Variants in CYB5B observed in about 807,000 individuals in gnomAD.
CYB5B encodes cytochrome b5 type B (outer mitochondrial membrane).
In CYB5B, 14 loss-of-function variants were observed where a neutral mutation model predicts 21.3. The observed-to-expected ratio is 0.66, with a 90% CI of 0.43 to 1.03. The LOEUF (loss-of-function observed/expected upper bound fraction) is 1.03. Among genes scored for constraint, CYB5B ranks in the 50% least tolerant of loss-of-function variants. CYB5B has a pLI of 0.00. For synonymous variants in CYB5B, 69 were observed against 68.4 expected (o/e 1.01, Z -0.04); for missense variants, 166 against 185.1 (o/e 0.90, Z 0.60).
At chr16:69,444,510 TC>T (rs1245779431) in intron 1 of CYB5B, among the ~76,000 whole-genome samples, 2 of 152,278 alleles carry the variant, frequency 1.3e-5, no homozygotes, top group East Asian at 3.9e-4. Context: ...TTTCGCTAAC[TC>T]TATCTGGAGA....
intron 1 of CYB5B, among the ~76,000 whole-genome samples, chr16:69,445,939 A>AGCCT (rs2014873489): frequency 6.6e-6 from 1 of 152,174 alleles, no homozygotes; most frequent in Non-Finnish European, 1.5e-5. Context: ...CTGGGCAACA[A>AGCCT]GAGCGAAACT....
chr16:69,424,781 C>T lies in CYB5B; in HGVS notation c.98C>T (p.Ala33Val). Reference sequence around the variant, plus strand: ...ACCTATTACCGGTTGGAGGAGGTGGCAAAGCGCAACTCCTTGAAGGAACTG... The same window carrying T: ...ACCTATTACCGGTTGGAGGAGGTGGTAAAGCGCAACTCCTTGAAGGAACTG... ...SVTYYRLEEVAKRNSLKELWL... is the reference protein window; with the variant it reads ...SVTYYRLEEVVKRNSLKELWL... Residue 33 changes from alanine (A) to valine (V), a missense_variant, in exon 1 of 5, where the codon GCA becomes GTA. By Grantham distance (64) the Ala-to-Val change is moderately conservative (BLOSUM62 0). Coordinates refer to ENST00000307892, the MANE Select transcript of CYB5B (RefSeq NM_030579.3). 1.2e-6 allele frequency: 2 copies of T among 1,608,828 alleles called. No homozygotes were observed. The highest frequency in any genetic ancestry group is 1.1e-5 in the South Asian group (1 of 90,386).
intron 4 of CYB5B, among the ~76,000 whole-genome samples, chr16:69,461,503 AC>A (rs1327391618): frequency 1.3e-5 from 2 of 152,184 alleles, no homozygotes; most frequent in Non-Finnish European, 2.9e-5. Flanking sequence ...TTTCTTATGA[AC>A]TTCAGCTCGT....
intron 3 of CYB5B, among the ~76,000 whole-genome samples, chr16:69,453,501 A>G (rs908525284): frequency 4.1e-4 from 62 of 152,192 alleles, no homozygotes; most frequent in African/African-American, 1.2e-3. Context: ...AGTGATTGCT[A>G]TTTACCAGAG....
chr16:69,439,961 T>G (rs752849257), intron 1 of CYB5B, among the ~76,000 whole-genome samples: 55 of 152,126 alleles, frequency 3.6e-4, no homozygotes, highest in Non-Finnish European at 1.0e-4. Context: ...CTTGAACTCC[T>G]GGGCTCAAGC....
chr16:69,451,687 C>CA (rs2014932221), intron 3 of CYB5B, among the ~76,000 whole-genome samples: 1 of 152,074 alleles, frequency 6.6e-6, no homozygotes, highest in Non-Finnish European at 1.5e-5. Context: ...GGCGGTGACT[C>CA]ACGCCTGTAA....
At chr16:69,455,037 G>A (rs1395345491) in intron 3 of CYB5B, among the ~76,000 whole-genome samples, 1 of 152,058 alleles carries the variant, frequency 6.6e-6, no homozygotes, top group African/African-American at 2.4e-5. Context: ...GGGACTACAG[G>A]TGTGTGCCAC....
intron 1 of CYB5B, among the ~76,000 whole-genome samples, chr16:69,430,768 G>C (rs1198849414): frequency 1.3e-5 from 2 of 151,346 alleles, no homozygotes; most frequent in African/African-American, 4.9e-5. Context: ...CTGCCTCCCA[G>C]GTTCAAGTGA....
rs534679840 is a variant in CYB5B at position 69,429,746 on chromosome 16, CAA to C, written c.174+4891_174+4892del. 1.7e-3 allele frequency among the ~76,000 whole-genome samples: 254 copies of C among 152,186 alleles called. 1 individual carries two copies. Among genetic ancestry groups the C allele is most frequent in the Non-Finnish European group, 2.7e-3 (185 of 68,002 alleles). Reference sequence around the variant, plus strand: ...AAGAAAAATGAGTCAAGGATAACACCAAAGTTTTTGGCTTATGAGTCTTCAAG... The same window carrying C: ...AAGAAAAATGAGTCAAGGATAACACCAGTTTTTGGCTTATGAGTCTTCAAG... On this transcript the variant is annotated intron_variant, in intron 1 of 4. Transcript: ENST00000307892.
At chr16:69,435,003 A>G (rs1419703762) in intron 1 of CYB5B, among the ~76,000 whole-genome samples, 1 of 152,054 alleles carries the variant, frequency 6.6e-6, no homozygotes, top group East Asian at 1.9e-4. Flanking sequence ...TTTATGAAGT[A>G]TCTGGTCTTG....
Position 69,462,454 on chromosome 16 carries a change from C to T in CYB5B, c.387C>T (p.Pro129=). 6.2e-7 allele frequency: 1 copy of T among 1,614,034 alleles called. No individual in the cohort carries two copies. Among genetic ancestry groups the T allele is most frequent in the Non-Finnish European group, 8.5e-7 (1 of 1,179,952 alleles). The change falls in exon 5 of 5, where the codon CCC becomes CCT. Residue 129 remains proline, a synonymous_variant. Coordinates refer to ENST00000307892, the MANE Select transcript of CYB5B (RefSeq NM_030579.3). ...CKSCWAYWIL[P]IIGAVLLGFL... ...GTTGCTGGGCATATTGGATTTTACC[C>T]ATCATAGGCGCTGTTCTCTTAGGTT...
At chr16:69,428,668 A>T (rs1046493529) in intron 1 of CYB5B, among the ~76,000 whole-genome samples, 8 of 152,200 alleles carry the variant, frequency 5.3e-5, no homozygotes, top group Middle Eastern at 3.2e-3. Flanking sequence ...TGAAAAAAAA[A>T]AGAAAAATAA....
chr16:69,444,162 TG>T, intron 1 of CYB5B: 2 of 160,920 alleles, frequency 1.2e-5, no homozygotes. Flanking sequence ...TACTTGCTCC[TG>T]GGTGAGCTTC....
chr16:69,428,294 G>A (rs2014669799), intron 1 of CYB5B, among the ~76,000 whole-genome samples: 2 of 152,192 alleles, frequency 1.3e-5, no homozygotes, highest in African/African-American at 4.8e-5. Context: ...CATGGCACAG[G>A]AGGCAGACGA....
intron 1 of CYB5B, among the ~76,000 whole-genome samples, chr16:69,427,909 T>C (rs1468776203): frequency 6.6e-6 from 1 of 150,872 alleles, no homozygotes; most frequent in Non-Finnish European, 1.5e-5. Context: ...GGCAGGAGAA[T>C]CGCTTGAACC....
chr16:69,448,402 G>A, intron 3 of CYB5B: 1 of 447,200 alleles, frequency 2.2e-6, no homozygotes, highest in Admixed American at 4.1e-5. Flanking sequence ...TATGCCCTGT[G>A]TGGTTTTGAA....
intron 1 of CYB5B, among the ~76,000 whole-genome samples, chr16:69,429,820 C>A (rs2014687119): frequency 6.6e-6 from 1 of 152,174 alleles, no homozygotes; most frequent in African/African-American, 2.4e-5. Flanking sequence ...CATTGGTATT[C>A]ATCCTTCTCT....
chr16:69,446,366 C>G (rs765037497), intron 1 of CYB5B, among the ~76,000 whole-genome samples: 10 of 152,118 alleles, frequency 6.6e-5, no homozygotes, highest in Non-Finnish European at 1.5e-4. Context: ...CTCTTTTGCC[C>G]AGGCTGGAGT....
rs1597288860 is a variant in CYB5B at position 69,462,496 on chromosome 16, C to T, written c.429C>T (p.Tyr143=). The change falls in exon 5 of 5, where the codon TAC becomes TAT. Residue 143 remains tyrosine, a synonymous_variant. Transcript: ENST00000307892. ...TCTTAGGTTTCCTGTACCGCTACTA[C>T]ACATCGGAAAGCAAATCCTCCTGAG... ...AVLLGFLYRY[Y]TSESKSS The T allele has an allele frequency of 6.2e-7, 1 of 1,614,138 alleles. No homozygotes were observed. Among genetic ancestry groups the T allele is most frequent in the Non-Finnish European group, 8.5e-7 (1 of 1,179,998 alleles).
Sources: gnomAD v4.1 joint callset for allele counts (sites outside exome capture counted in the v4.1 genomes callset) on GRCh38, gnomAD v4.1.1 for gene constraint, MANE v1.5 for transcripts, NCBI Gene and HGNC (gene_info 2026-07-23, HGNC 2026-07-21) for gene names.